SEMA3E: variants seen among roughly 807,000 people sequenced by gnomAD.
SEMA3E encodes semaphorin-3E.
Under a neutral mutation model 93.6 loss-of-function variants are expected in SEMA3E, and 49 were observed. The observed-to-expected ratio is 0.52, with a 90% CI of 0.42 to 0.66. The LOEUF is 0.66. Ranked by LOEUF, SEMA3E falls within the 30% of genes least tolerant of loss-of-function variation. The probability of loss-of-function intolerance (pLI) is 0.00; values close to 1 mark genes in which losing one functional copy is unlikely to be tolerated. For synonymous variants in SEMA3E, 363 were observed against 330.7 expected (o/e 1.10, Z -1.06); for missense variants, 906 against 964.8 (o/e 0.94, Z 0.81).
chr7:83,525,597 C>T (rs1791139474), intron 1 of SEMA3E, among the ~76,000 whole-genome samples: 1 of 151,880 alleles, frequency 6.6e-6, no homozygotes, highest in Non-Finnish European at 1.5e-5. Flanking sequence ...TTACAACTTC[C>T]TCTGAGATTT....
chr7:83,621,054 T>G (rs1261113450), intron 1 of SEMA3E, among the ~76,000 whole-genome samples: 8 of 152,078 alleles, frequency 5.3e-5, no homozygotes, highest in Admixed American at 5.3e-4. Context: ...GAAGTCAAAT[T>G]GTCTTTTTTT....
chr7:83,541,778 G>A (rs1259911959), intron 1 of SEMA3E, among the ~76,000 whole-genome samples: 1 of 152,110 alleles, frequency 6.6e-6, no homozygotes, highest in Non-Finnish European at 1.5e-5. Flanking sequence ...GTTCTTGAGC[G>A]TCAGACCTCA....
intron 1 of SEMA3E, among the ~76,000 whole-genome samples, chr7:83,551,886 A>C (rs1791772207): frequency 6.6e-6 from 1 of 152,122 alleles, no homozygotes; most frequent in Non-Finnish European, 1.5e-5. Flanking sequence ...TGACAATCAA[A>C]AATGTCTCCA....
Position 83,490,172 on chromosome 7 carries a change from C to T in SEMA3E, c.218G>A (p.Gly73Glu), listed in dbSNP as rs894551746. The T allele has an allele frequency of 9.9e-6, 16 of 1,612,952 alleles. No individual in the cohort carries two copies. The highest frequency in any genetic ancestry group is 1.1e-5 in the Non-Finnish European group (13 of 1,179,434). ...LDEYQERLFVGGRDLVYSLSL... is the reference protein window; with the variant it reads ...LDEYQERLFVEGRDLVYSLSL... The stretch of plus-strand genomic sequence containing the variant: ...GAGGGAATATACAAGGTCCCTGCCT[C>T]CCACGAAGAGCCTCTCTTGATATTC... The change falls in exon 2 of 17, where the codon GGA becomes GAA. Residue 73 changes from glycine (G) to glutamate (E), a missense_variant. By Grantham distance (98) the Gly-to-Glu change is moderately conservative. Transcript: ENST00000643230.
At chr7:83,426,092 C>T (rs10239875) in intron 4 of SEMA3E, among the ~76,000 whole-genome samples, 5,915 of 152,078 alleles carry the variant, frequency 0.039, 362 homozygotes, top group African/African-American at 0.13. Context: ...GGTGAGGTTG[C>T]AGAGAAAAGG....
At chr7:83,466,209 A>G (rs2115879289) in intron 4 of SEMA3E, among the ~76,000 whole-genome samples, 1 of 152,200 alleles carries the variant, frequency 6.6e-6, no homozygotes, top group African/African-American at 2.4e-5. Context: ...AATAGAGAAC[A>G]CAGTTTGATG....
At chr7:83,589,088 C>T (rs912903663) in intron 1 of SEMA3E, among the ~76,000 whole-genome samples, 6 of 152,286 alleles carry the variant, frequency 3.9e-5, no homozygotes, top group East Asian at 3.9e-4. Context: ...TAGCATCAAG[C>T]GCCGCCTCAG....
rs922415108 is a variant in SEMA3E at position 83,367,508 on chromosome 7, A to T, written c.*78T>A. Reference sequence around the variant, plus strand: ...GAAATCTCTTTTAAGTAATGCAAAGAAGTTGGATGATTTATTTTTTTACTT... The same window carrying T: ...GAAATCTCTTTTAAGTAATGCAAAGTAGTTGGATGATTTATTTTTTTACTT... On this transcript the variant is annotated 3_prime_UTR_variant, in exon 17 of 17. Coordinates refer to ENST00000643230, the MANE Select transcript of SEMA3E (RefSeq NM_012431.3). 2.8e-6 allele frequency: 4 copies of T among 1,416,412 alleles called. No individual in the cohort carries two copies. The highest frequency in any genetic ancestry group is 4.0e-6 in the Non-Finnish European group (4 of 1,002,346). The allele number at this position is 1,416,412 out of a possible 1,614,324, so 87.7% of individuals were successfully genotyped here.
intron 4 of SEMA3E, among the ~76,000 whole-genome samples, chr7:83,442,465 T>C (rs1399609992): frequency 6.6e-6 from 1 of 152,202 alleles, no homozygotes; most frequent in African/African-American, 2.4e-5. Context: ...ACTTTTATAC[T>C]CTCACATATT....
chr7:83,465,520 A>G (rs1789736968), intron 4 of SEMA3E, among the ~76,000 whole-genome samples: 1 of 152,222 alleles, frequency 6.6e-6, no homozygotes, highest in African/African-American at 2.4e-5. Context: ...AATATAAGGA[A>G]TATCAGAAAT....
chr7:83,497,344 T>C (rs1309826981), intron 1 of SEMA3E, among the ~76,000 whole-genome samples: 1 of 152,166 alleles, frequency 6.6e-6, no homozygotes, highest in East Asian at 1.9e-4. Context: ...CTTTCTTGAA[T>C]GCACATTTCT....
At chr7:83,637,386 C>T (rs1199975504) in intron 1 of SEMA3E, among the ~76,000 whole-genome samples, 2 of 152,064 alleles carry the variant, frequency 1.3e-5, no homozygotes, top group South Asian at 2.1e-4. Context: ...TGAACAAATA[C>T]TTATAAATGA....
At chr7:83,597,661 A>G (rs1792906173) in intron 1 of SEMA3E, among the ~76,000 whole-genome samples, 1 of 152,156 alleles carries the variant, frequency 6.6e-6, no homozygotes, top group Non-Finnish European at 1.5e-5. Flanking sequence ...TTGTCCAAAC[A>G]TAGATTCAGC....
chr7:83,465,023 A>AG (rs1430258144), intron 4 of SEMA3E, among the ~76,000 whole-genome samples: 61 of 125,698 alleles, frequency 4.9e-4, no homozygotes, highest in Middle Eastern at 4.2e-3. Context: ...TGAAGAATCA[A>AG]AAGAAGTGAA....
intron 2 of SEMA3E, among the ~76,000 whole-genome samples, chr7:83,477,775 T>C (rs1404923852): frequency 6.6e-6 from 1 of 152,078 alleles, no homozygotes; most frequent in Non-Finnish European, 1.5e-5. Flanking sequence ...TTCTACTCGA[T>C]AAAAAATTAA....
intron 5 of SEMA3E, among the ~76,000 whole-genome samples, chr7:83,413,440 T>C (rs1177975576): frequency 6.6e-6 from 1 of 152,242 alleles, no homozygotes. Context: ...TGCCTCACTT[T>C]ATAACTGAAT....
At chr7:83,554,281 T>C (rs911238433) in intron 1 of SEMA3E, among the ~76,000 whole-genome samples, 4 of 152,190 alleles carry the variant, frequency 2.6e-5, no homozygotes, top group African/African-American at 9.6e-5. Flanking sequence ...TACTATCTTC[T>C]AAAATTTCAA....
At chr7:83,396,767 T>C (rs1788131338) in intron 11 of SEMA3E, 38 bp from the exon 12 acceptor site, 6 of 1,423,402 alleles carry the variant, frequency 4.2e-6, no homozygotes, top group South Asian at 1.2e-5. Flanking sequence ...CTAGAATCTA[T>C]GTCACAGTAC....
At chr7:83,520,573 G>A (rs528767523) in intron 1 of SEMA3E, among the ~76,000 whole-genome samples, 1 of 152,118 alleles carries the variant, frequency 6.6e-6, no homozygotes, top group South Asian at 2.1e-4. Flanking sequence ...CTCAAGACTG[G>A]GTCTGCAGCA....
Sources: gnomAD v4.1 joint callset for allele counts (sites outside exome capture counted in the v4.1 genomes callset) on GRCh38, gnomAD v4.1.1 for gene constraint, MANE v1.5 for transcripts, NCBI Gene and HGNC (gene_info 2026-07-23, HGNC 2026-07-21) for gene names.